BIRC2: variants seen among roughly 807,000 people sequenced by gnomAD.
BIRC2 encodes baculoviral IAP repeat-containing protein 2.
A neutral mutation model predicts 60.9 loss-of-function variants in BIRC2; 18 were observed. The ratio of observed to expected loss-of-function variants is 0.30; its 90% CI spans 0.20 to 0.44. The LOEUF (loss-of-function observed/expected upper bound fraction) is 0.44, where lower values mean the gene tolerates loss of function less well. Ranked by LOEUF, BIRC2 falls within the 20% of genes least tolerant of loss-of-function variation. The pLI is 1.00. For missense variants in BIRC2, 701 were observed against 728.5 expected (o/e 0.96, Z 0.43); for synonymous variants, 282 against 247.7 (o/e 1.14, Z -1.30).
chr11:102,368,072 T>G (rs986533757), intron 5 of BIRC2, among the ~76,000 whole-genome samples: 1 of 152,228 alleles, frequency 6.6e-6, no homozygotes, highest in Non-Finnish European at 1.5e-5. Flanking sequence ...ATTAAGTAAG[T>G]CTAGGATGTA....
chr11:102,377,797 G>A, intron 7 of BIRC2, 47 bp downstream of exon 7: 2 of 1,595,100 alleles, frequency 1.3e-6, no homozygotes, highest in Non-Finnish European at 1.7e-6. Context: ...GGACTGGCCA[G>A]ATGCGGTGGC....
At chr11:102,352,501 C>T (rs1951375228) in intron 3 of BIRC2, among the ~76,000 whole-genome samples, 1 of 152,096 alleles carries the variant, frequency 6.6e-6, no homozygotes, top group East Asian at 1.9e-4. Context: ...ACCTCCACCT[C>T]CCAGGTTCAA....
intron 5 of BIRC2, among the ~76,000 whole-genome samples, chr11:102,367,234 AT>A (rs1320443326): frequency 6.6e-6 from 1 of 151,678 alleles, no homozygotes; most frequent in Non-Finnish European, 1.5e-5. Context: ...ATATTTTTAA[AT>A]TTTTTCACAG....
At chr11:102,351,627 A>AG (rs1469154938) in intron 3 of BIRC2, among the ~76,000 whole-genome samples, 1 of 150,456 alleles carries the variant, frequency 6.6e-6, no homozygotes, top group African/African-American at 2.5e-5. Flanking sequence ...AAAAAAAAAA[A>AG]AAAAAAAAAA....
At chr11:102,368,183 C>A in intron 5 of BIRC2, 123 bp from the exon 6 acceptor site, 3 of 1,078,182 alleles carry the variant, frequency 2.8e-6, no homozygotes, top group Non-Finnish European at 4.0e-6. Flanking sequence ...GTAATCGATG[C>A]ATATAGCTCA....
At chr11:102,368,981 C>T (rs1951587519) in intron 6 of BIRC2, among the ~76,000 whole-genome samples, 1 of 151,594 alleles carries the variant, frequency 6.6e-6, no homozygotes, top group South Asian at 2.1e-4. Flanking sequence ...GCTAAGTGAT[C>T]CTCATACACA....
chr11:102,372,925 CCTT>C (rs1671425263), intron 6 of BIRC2, among the ~76,000 whole-genome samples: 1 of 149,644 alleles, frequency 6.7e-6, no homozygotes, highest in African/African-American at 2.5e-5. Flanking sequence ...TATGTAATGG[CCTT>C]CTTTGTCTCT....
chr11:102,352,321 A>G (rs1018779870), intron 3 of BIRC2, among the ~76,000 whole-genome samples: 3 of 151,922 alleles, frequency 2.0e-5, no homozygotes, highest in Non-Finnish European at 4.4e-5. Context: ...TCACCATGTT[A>G]GACAGGATGG....
intron 6 of BIRC2, among the ~76,000 whole-genome samples, chr11:102,370,127 C>G (rs1591541392): frequency 6.7e-6 from 1 of 149,982 alleles, no homozygotes; most frequent in East Asian, 2.0e-4. Context: ...CCTGTTCACT[C>G]TGATGGTAGT....
At chr11:102,355,353 A>G (rs895292115) in intron 3 of BIRC2, among the ~76,000 whole-genome samples, 1 of 152,142 alleles carries the variant, frequency 6.6e-6, no homozygotes, top group Non-Finnish European at 1.5e-5. Context: ...TTTTCCCAAC[A>G]CCGTTTGTTA....
In BIRC2 at chr11:102,349,983, T is replaced by A; in HGVS notation, c.129T>A (p.Phe43Leu). 6.2e-7 allele frequency: 1 copy of A among 1,614,224 alleles called. No homozygotes were observed. Among genetic ancestry groups the A allele is most frequent in the Non-Finnish European group, 8.5e-7 (1 of 1,180,028 alleles). The change falls in exon 2 of 9, where the codon TTT (phenylalanine) becomes TTA (leucine). Residue 43 changes from phenylalanine to leucine, a missense_variant. Phe to Leu is a conservative substitution (Grantham distance 22). Coordinates refer to ENST00000227758, the MANE Select transcript of BIRC2 (RefSeq NM_001166.5). ...ACAAACAAAAAATGAAGTATGACTT[T>A]TCCTGTGAACTCTACAGAATGTCTA... ...NSNKQKMKYDFSCELYRMSTY... is the reference protein window; with the variant it reads ...NSNKQKMKYDLSCELYRMSTY...
rs1421540054 is a variant in BIRC2, at chr11:102,347,766, T to C, written c.-1258+390T>C. ...ATTTCGGTGGCGGCGATATTTCATATTTCATAGTTGCCACTGCGCTCTGTC... is the reference window on the plus strand; with the variant it reads ...ATTTCGGTGGCGGCGATATTTCATACTTCATAGTTGCCACTGCGCTCTGTC... On this transcript the variant is annotated intron_variant, in intron 1 of 8. Coordinates refer to ENST00000227758, the MANE Select transcript of BIRC2 (RefSeq NM_001166.5). 2.0e-5 allele frequency: 3 copies of C among 152,152 alleles called. No homozygotes were observed. The South Asian group carries it at 6.2e-4, about 32-fold the overall frequency. 9.4% of individuals were successfully genotyped at this position (152,152 alleles called of 1,614,324 possible).
intron 3 of BIRC2, among the ~76,000 whole-genome samples, chr11:102,361,663 A>G (rs145397567): frequency 6.6e-6 from 1 of 152,240 alleles, no homozygotes; most frequent in African/African-American, 2.4e-5. Flanking sequence ...CTTGAGGGTT[A>G]TTGGAGGTCT....
chr11:102,373,296 C>T (rs947437590), intron 6 of BIRC2, among the ~76,000 whole-genome samples: 1 of 152,158 alleles, frequency 6.6e-6, no homozygotes, highest in Non-Finnish European at 1.5e-5. Flanking sequence ...GATTTTGCAG[C>T]TGCTGGTACC....
intron 5 of BIRC2, among the ~76,000 whole-genome samples, chr11:102,365,574 CGTT>C (rs1420196336): frequency 6.6e-6 from 1 of 152,050 alleles, no homozygotes; most frequent in East Asian, 1.9e-4. Context: ...GGTGCTTTGT[CGTT>C]GTTTTTTCTT....
chr11:102,367,306 TTC>T (rs1415446007), intron 5 of BIRC2, among the ~76,000 whole-genome samples: 2 of 152,146 alleles, frequency 1.3e-5, no homozygotes, highest in Non-Finnish European at 2.9e-5. Context: ...TCCTGTTATT[TTC>T]TGTTTTTTTT....
chr11:102,359,524 G>A (rs4385869), intron 3 of BIRC2, among the ~76,000 whole-genome samples: 46,331 of 151,926 alleles, frequency 0.3, 7,305 homozygotes, highest in South Asian at 0.43. Context: ...TGTAAGGCGC[G>A]TCCAGTGGTG....
chr11:102,355,317 A>G (rs1951408651), intron 3 of BIRC2, among the ~76,000 whole-genome samples: 1 of 152,156 alleles, frequency 6.6e-6, no homozygotes, highest in Admixed American at 6.5e-5. Flanking sequence ...TTATTGTTTT[A>G]CATAAAAACG....
chr11:102,372,775 TCTCCC>T (rs1261411955), intron 6 of BIRC2, among the ~76,000 whole-genome samples: 31 of 122,846 alleles, frequency 2.5e-4, no homozygotes, highest in African/African-American at 9.6e-4. Context: ...GGTGTTAAAG[TCTCCC>T]ATTATTAATG....
Sources: gnomAD v4.1 joint callset for allele counts (sites outside exome capture counted in the v4.1 genomes callset) on GRCh38, gnomAD v4.1.1 for gene constraint, MANE v1.5 for transcripts, NCBI Gene and HGNC (gene_info 2026-07-23, HGNC 2026-07-21) for gene names.